The following EFCAB8 variants were observed in gnomAD, a reference collection of about 807,000 sequenced individuals.
The protein encoded by EFCAB8 is EF-hand calcium-binding domain-containing protein 8.
In EFCAB8, 100 loss-of-function variants were observed where a neutral mutation model predicts 116.3. That is an observed-to-expected ratio of 0.86 (90% confidence interval 0.73 to 1.02). The LOEUF (loss-of-function observed/expected upper bound fraction) is 1.02, where lower values mean the gene tolerates loss of function less well. Ranked by LOEUF, EFCAB8 falls within the 50% of genes least tolerant of loss-of-function variation. The probability of loss-of-function intolerance (pLI) is 0.00; values close to 1 mark genes in which losing one functional copy is unlikely to be tolerated. For missense variants in EFCAB8, 1,320 were observed against 1,416.9 expected (o/e 0.93, Z 1.10); for synonymous variants, 558 against 567.9 (o/e 0.98, Z 0.25).
chr20:32,949,254 G>C (rs1988726643), intron 23 of EFCAB8, among the ~76,000 whole-genome samples: 1 of 152,148 alleles, frequency 6.6e-6, no homozygotes, highest in African/African-American at 2.4e-5. Flanking sequence ...TAAGTACACA[G>C]AAAAATACTA....
At chr20:32,924,598 G>C (rs1446460264) in intron 20 of EFCAB8, among the ~76,000 whole-genome samples, 2 of 152,194 alleles carry the variant, frequency 1.3e-5, no homozygotes, top group Non-Finnish European at 2.9e-5. Context: ...GAAAATGGCA[G>C]AGCCAGGGCC....
At position 32,915,068 on chromosome 20, in the gene EFCAB8, A is replaced by C. The variant is rs564990351; in HGVS notation, c.1856+2204A>C. On this transcript the variant is annotated intron_variant, in intron 17 of 26. Coordinates refer to ENST00000400522, the MANE Select transcript of EFCAB8 (RefSeq NM_001143967.2). ...ACATGCCACCATGCCTTGCTAATTA[A>C]AAAAAAAATTTTTTTATAGAGATGG... Among the ~76,000 whole-genome samples the C allele has an allele frequency of 1.3e-4, 20 of 151,664 alleles. No homozygotes were observed. The South Asian group carries it at 4.2e-3, about 32-fold the overall frequency.
chr20:32,874,175 C>A (rs993130871), intron 3 of EFCAB8, among the ~76,000 whole-genome samples: 14 of 152,140 alleles, frequency 9.2e-5, no homozygotes, highest in Admixed American at 1.3e-4. Context: ...CCCACCTCAG[C>A]CTCCCAAAGT....
chr20:32,872,811 G>C (rs1482821896), intron 3 of EFCAB8, among the ~76,000 whole-genome samples: 1 of 146,078 alleles, frequency 6.8e-6, no homozygotes, highest in South Asian at 2.1e-4. Context: ...AAAACAAAAG[G>C]CCGGGTGCAG....
intron 26 of EFCAB8, among the ~76,000 whole-genome samples, chr20:32,960,635 T>C (rs949703223): frequency 3.3e-5 from 5 of 152,200 alleles, no homozygotes; most frequent in Non-Finnish European, 7.4e-5. Flanking sequence ...AAAGAGCAGA[T>C]TTGAGCTCCA....
rs1374367906 is a variant in EFCAB8 at position 32,930,597 on chromosome 20, A to T, written c.2612A>T (p.Asp871Val). 2 of 1,552,256 alleles carry T rather than the reference A, an allele frequency of 1.3e-6. No individual in the cohort carries two copies. The highest frequency in any genetic ancestry group is 2.0e-5 in the Admixed American group (1 of 51,014). The stretch of plus-strand genomic sequence containing the variant: ...AATGACTGGATCCTCATCACGGGGG[A>T]TTGTAAAGGATACATCAAGGTGAGG... Reference protein sequence around the residue: ...DKNDWILITGDCKGYIKIWDI... With the variant: ...DKNDWILITGVCKGYIKIWDI... Residue 871 changes from aspartate to valine, a missense_variant, in exon 21 of 27, where the codon GAT (aspartate) becomes GTT (valine). Physicochemically the swap from Asp to Val is radical, Grantham distance 152. Transcript: ENST00000400522.
chr20:32,893,378 C>A (rs1986011013), intron 9 of EFCAB8, 80 bp downstream of exon 9: 1 of 1,517,580 alleles, frequency 6.6e-7, no homozygotes, highest in Admixed American at 2.0e-5. Flanking sequence ...GGTCCCCGAG[C>A]CCCCCACTCC....
intron 20 of EFCAB8, among the ~76,000 whole-genome samples, chr20:32,924,673 G>A (rs1234518960): frequency 1.3e-5 from 2 of 152,170 alleles, no homozygotes; most frequent in Non-Finnish European, 2.9e-5. Context: ...CCACTGTTGG[G>A]AATTCCTTGG....
intron 18 of EFCAB8, 139 bp downstream of exon 18, chr20:32,917,644 G>A: frequency 2.1e-6 from 2 of 937,734 alleles, no homozygotes; most frequent in Admixed American, 2.6e-5. Flanking sequence ...GGGGAGCTTG[G>A]TTAGGTAGGT....
chr20:32,930,146 G>C (rs1023877108), intron 20 of EFCAB8, among the ~76,000 whole-genome samples: 1 of 152,172 alleles, frequency 6.6e-6, no homozygotes, highest in Non-Finnish European at 1.5e-5. Context: ...TATGTGTCAG[G>C]CACCATTGTG....
intron 23 of EFCAB8, among the ~76,000 whole-genome samples, chr20:32,949,059 CTAAT>C (rs1170409961): frequency 7.9e-5 from 12 of 152,100 alleles, no homozygotes; most frequent in Admixed American, 5.9e-4. Context: ...TTGTAGTTGA[CTAAT>C]TGTCTATGTA....
At chr20:32,870,996 C>G (rs1344350621) in intron 3 of EFCAB8, among the ~76,000 whole-genome samples, 1 of 151,904 alleles carries the variant, frequency 6.6e-6, no homozygotes, top group East Asian at 1.9e-4. Flanking sequence ...GTAGCTGGGA[C>G]TACAGGCACG....
At position 32,915,760 on chromosome 20, in the gene EFCAB8, G is replaced by A. The variant is rs532160951; in HGVS notation, c.1857-1541G>A. Among the ~76,000 whole-genome samples, 603 of 150,424 alleles carry A rather than the reference G, an allele frequency of 4.0e-3. 3 individuals carry two copies. Among genetic ancestry groups the A allele is most frequent in the African/African-American group, 0.014 (578 of 40,862 alleles). ...AGTCTTGGCTCACTGCAGCCTCCGC[G>A]TCCCGGGTTCAAGTGATTCTCATGC... is the stretch of plus-strand genomic sequence containing the variant. On this transcript the variant is annotated intron_variant, in intron 17 of 26. Coordinates refer to ENST00000400522, the MANE Select transcript of EFCAB8 (RefSeq NM_001143967.2).
chr20:32,958,411 C>T lies in EFCAB8; in HGVS notation c.2960-10C>T. The T allele has an allele frequency of 2.4e-6, 1 of 416,656 alleles. No individual in the cohort carries two copies. Among genetic ancestry groups the T allele is most frequent in the African/African-American group, 2.1e-5 (1 of 48,760 alleles). The allele number at this position is 416,656 out of a possible 1,614,324, so 25.8% of individuals were successfully genotyped here. On this transcript the variant is annotated splice_polypyrimidine_tract_variant and intron_variant, in intron 23 of 26. Coordinates refer to ENST00000400522, the MANE Select transcript of EFCAB8 (RefSeq NM_001143967.2). ...CAGTTGTGGTTCTGAGCAGTCTGGT[C>T]AAATCACAGGAACGTTTGGCCTGAG... is the stretch of plus-strand genomic sequence containing the variant.
chr20:32,930,731 T>C (rs1987873967), intron 21 of EFCAB8, 115 bp downstream of exon 21: 1 of 1,027,214 alleles, frequency 9.7e-7, no homozygotes, highest in African/African-American at 1.6e-5. Context: ...TGGTTCCATT[T>C]GTGAAACAAT....
chr20:32,889,437 C>G (rs1237344989), intron 7 of EFCAB8, 31 bp downstream of exon 7: 13 of 1,537,960 alleles, frequency 8.5e-6, no homozygotes, highest in Non-Finnish European at 1.1e-5. Flanking sequence ...CAGCTCTGCT[C>G]TCAGCCACTG....
At chr20:32,862,717 T>G (rs971458639) in intron 1 of EFCAB8, among the ~76,000 whole-genome samples, 1 of 152,152 alleles carries the variant, frequency 6.6e-6, no homozygotes, top group African/African-American at 2.4e-5. Flanking sequence ...AACCTCTGCC[T>G]CCCAGGTTCA....
intron 17 of EFCAB8, among the ~76,000 whole-genome samples, chr20:32,913,534 A>T (rs891336963): frequency 3.3e-5 from 5 of 152,172 alleles, no homozygotes; most frequent in Non-Finnish European, 1.5e-5. Flanking sequence ...TCCTTCTCTC[A>T]TGCAAAATAT....
intron 23 of EFCAB8, among the ~76,000 whole-genome samples, chr20:32,944,751 G>A (rs994134482): frequency 6.6e-6 from 1 of 152,024 alleles, no homozygotes; most frequent in Non-Finnish European, 1.5e-5. Flanking sequence ...ATTTTTGGAT[G>A]AGAGTTTTTG....
Sources: gnomAD v4.1 joint callset for allele counts (sites outside exome capture counted in the v4.1 genomes callset) on GRCh38, gnomAD v4.1.1 for gene constraint, MANE v1.5 for transcripts, NCBI Gene and HGNC (gene_info 2026-07-23, HGNC 2026-07-21) for gene names.